Variants in GALNT13 observed in about 807,000 individuals in gnomAD.
GALNT13 encodes the protein UDP-GalNAc:polypeptide N-acetylgalactosaminyltransferase 13.
A neutral mutation model predicts 64.2 loss-of-function variants in GALNT13; 28 were observed. The ratio of observed to expected loss-of-function variants is 0.44; its 90% CI spans 0.32 to 0.60. The LOEUF is 0.60. GALNT13 is among the 20% of genes least tolerant of loss of function. The pLI is 0.05. For synonymous variants in GALNT13, 214 were observed against 224.6 expected, an observed-to-expected ratio of 0.95 and a Z score of 0.42; for missense variants, 577 against 669.8, an observed-to-expected ratio of 0.86 and a Z score of 1.53.
At chr2:153,506,946 T>C in the GALNT13 span, among the ~76,000 whole-genome samples, 14 of 152,226 alleles carry the variant, frequency 9.2e-5, no homozygotes, top group Non-Finnish European at 1.9e-4. Flanking sequence ...TCCAGACTTT[T>C]AGATTTCTCT....
chr2:153,672,362 A>G, the GALNT13 span, among the ~76,000 whole-genome samples: 1 of 152,230 alleles, frequency 6.6e-6, no homozygotes, highest in Non-Finnish European at 1.5e-5. Flanking sequence ...CTCTCACACC[A>G]CAGTGCAATC....
In GALNT13 at chr2:154,227,112, A is replaced by C. The variant is rs1328892099; in HGVS notation, c.312-14918A>C. On this transcript the variant is annotated intron_variant, in intron 4 of 12. Coordinates refer to ENST00000392825, the MANE Select transcript of GALNT13 (RefSeq NM_052917.4). ...TCATCTCTCGTAGTCAGGGTGATTT[A>C]AGGACTTCTAGGCTCAGTACATTCA... Among the ~76,000 whole-genome samples the C allele has an allele frequency of 2.0e-5, 3 of 152,178 alleles. No individual in the cohort carries two copies. The South Asian group carries it at 6.2e-4, about 32-fold the overall frequency.
chr2:154,159,649 G>A (rs1684620422), intron 4 of GALNT13, among the ~76,000 whole-genome samples: 1 of 152,124 alleles, frequency 6.6e-6, no homozygotes, highest in African/African-American at 2.4e-5. Flanking sequence ...GTATAGATCT[G>A]TATTGGGATG....
the GALNT13 span, among the ~76,000 whole-genome samples, chr2:153,070,154 CAAGCCATGAA>C: frequency 1.3e-5 from 2 of 152,078 alleles, no homozygotes; most frequent in Non-Finnish European, 2.9e-5. Flanking sequence ...AATAATATAT[CAAGCCATGAA>C]AAGACATGGA....
chr2:154,374,514 T>C (rs190101720), intron 9 of GALNT13, among the ~76,000 whole-genome samples: 2 of 152,208 alleles, frequency 1.3e-5, no homozygotes, highest in Non-Finnish European at 1.5e-5. Flanking sequence ...AACTTCAAAA[T>C]TGAGTAAGGA....
chr2:154,018,178 A>G (rs1214376809), intron 3 of GALNT13, among the ~76,000 whole-genome samples: 1 of 152,154 alleles, frequency 6.6e-6, no homozygotes, highest in African/African-American at 2.4e-5. Context: ...AATCTCATAC[A>G]CTCAGTAAAT....
chr2:153,862,215 A>C, the GALNT13 span, among the ~76,000 whole-genome samples: 1 of 152,192 alleles, frequency 6.6e-6, no homozygotes, highest in Non-Finnish European at 1.5e-5. Flanking sequence ...ACACACGTAC[A>C]CACATGCTTA....
chr2:153,433,583 T>C, the GALNT13 span, among the ~76,000 whole-genome samples: 1 of 152,070 alleles, frequency 6.6e-6, no homozygotes, highest in South Asian at 2.1e-4. Flanking sequence ...TAATAATACA[T>C]TTTTTTAATT....
chr2:153,072,133 A>G, the GALNT13 span, among the ~76,000 whole-genome samples: 1 of 152,344 alleles, frequency 6.6e-6, no homozygotes, highest in African/African-American at 2.4e-5. Flanking sequence ...GCTCAATCTA[A>G]GTCCAAAACA....
At chr2:153,431,582 G>T in the GALNT13 span, among the ~76,000 whole-genome samples, 3 of 152,188 alleles carry the variant, frequency 2.0e-5, no homozygotes, top group East Asian at 1.9e-4. Context: ...CACAGCAAGT[G>T]CTGCTCAACC....
chr2:153,250,296 T>C, the GALNT13 span, among the ~76,000 whole-genome samples: 1 of 152,252 alleles, frequency 6.6e-6, no homozygotes, highest in Admixed American at 6.5e-5. Flanking sequence ...TCATCATCGC[T>C]GGTCATTAGA....
At chr2:154,321,513 A>C (rs1220413800) in intron 9 of GALNT13, among the ~76,000 whole-genome samples, 1 of 152,198 alleles carries the variant, frequency 6.6e-6, no homozygotes, top group African/African-American at 2.4e-5. Flanking sequence ...GCATGTATTA[A>C]TACAGAAATA....
chr2:154,171,314 T>C (rs1187915848), intron 4 of GALNT13, among the ~76,000 whole-genome samples: 6 of 152,162 alleles, frequency 3.9e-5, no homozygotes, highest in Non-Finnish European at 8.8e-5. Flanking sequence ...AAACTTGTTC[T>C]CAATTCCGCT....
intron 8 of GALNT13, 116 bp downstream of exon 8, chr2:154,259,254 C>A: frequency 2.9e-6 from 2 of 682,042 alleles, no homozygotes; most frequent in South Asian, 1.7e-5. Flanking sequence ...AATTACTGAT[C>A]AATTGGTTAT....
the GALNT13 span, among the ~76,000 whole-genome samples, chr2:153,859,371 C>T: frequency 7.9e-5 from 12 of 152,126 alleles, no homozygotes; most frequent in Non-Finnish European, 1.2e-4. Context: ...AATTCTGTTA[C>T]GAGAATACTG....
the GALNT13 span, among the ~76,000 whole-genome samples, chr2:153,102,104 C>G: frequency 2.0e-5 from 3 of 151,860 alleles, no homozygotes; most frequent in Non-Finnish European, 4.4e-5. Context: ...TTGGGGTCTC[C>G]CTTTTGCTCT....
chr2:153,282,653 C>A, the GALNT13 span, among the ~76,000 whole-genome samples: 1 of 152,114 alleles, frequency 6.6e-6, no homozygotes, highest in East Asian at 1.9e-4. Flanking sequence ...TGGGCTCAAG[C>A]AGTTTGCCTA....
chr2:153,421,063 G>T, the GALNT13 span: 1 of 222,694 alleles, frequency 4.5e-6, no homozygotes, highest in East Asian at 1.3e-4. Context: ...TTACCACGGT[G>T]TAATAGGCAG....
intron 9 of GALNT13, among the ~76,000 whole-genome samples, chr2:154,321,866 A>T (rs921435082): frequency 6.6e-6 from 1 of 152,156 alleles, no homozygotes; most frequent in African/African-American, 2.4e-5. Context: ...TAATAAAATG[A>T]CACATTCATT....
Sources: gnomAD v4.1 joint callset for allele counts (sites outside exome capture counted in the v4.1 genomes callset) on GRCh38, gnomAD v4.1.1 for gene constraint, MANE v1.5 for transcripts, NCBI Gene and HGNC (gene_info 2026-07-23, HGNC 2026-07-21) for gene names.